PIK3R3: variants seen among roughly 807,000 people sequenced by gnomAD.
PIK3R3 encodes the protein phosphoinositide-3-kinase regulatory subunit 3, also known as phosphatidylinositol 3-kinase regulatory subunit gamma.
PIK3R3 carries 64 observed loss-of-function variants against 62.9 expected under a neutral mutation model. The ratio of observed to expected loss-of-function variants is 1.02; its 90% CI spans 0.83 to 1.25. The LOEUF is 1.25. Ranked by LOEUF, PIK3R3 falls within the 50% of genes most tolerant of loss-of-function variation. The probability of loss-of-function intolerance (pLI) is 0.00; values close to 1 mark genes in which losing one functional copy is unlikely to be tolerated. For synonymous variants in PIK3R3, 165 were observed against 189.0 expected, an observed-to-expected ratio of 0.87 and a Z score of 1.04; for missense variants, 614 against 561.6, an observed-to-expected ratio of 1.09 and a Z score of -0.94.
In PIK3R3 at chr1:46,046,580, C is replaced by G; in HGVS notation, c.987G>C (p.Trp329Cys). The G allele has an allele frequency of 6.2e-7, 1 of 1,613,440 alleles. No homozygotes were observed. Among genetic ancestry groups the G allele is most frequent in the Non-Finnish European group, 8.5e-7 (1 of 1,179,388 alleles). ...CAGCATCCTCATTCTTAATTCCCAG[C>G]CAGACATTCAGGCGTTTCTGTCTCA... ...KGVRQKRLNVWLGIKNEDADE... is the reference protein window; with the variant it reads ...KGVRQKRLNVCLGIKNEDADE... The change falls in exon 8 of 10, where the codon TGG becomes TGC. Residue 329 changes from tryptophan to cysteine, a missense_variant. By Grantham distance (215) the Trp-to-Cys change is radical (BLOSUM62 -2). Transcript: ENST00000262741.
chr1:46,169,792 G>A, the PIK3R3 span, among the ~76,000 whole-genome samples: 1 of 152,202 alleles, frequency 6.6e-6, no homozygotes, highest in South Asian at 2.1e-4. Context: ...GCCTGTCTTT[G>A]GAACTGCTCC....
chr1:46,058,905 A>T (rs1465485713), intron 6 of PIK3R3, among the ~76,000 whole-genome samples: 2 of 152,130 alleles, frequency 1.3e-5, no homozygotes, highest in African/African-American at 4.8e-5. Context: ...AAGATAAAGG[A>T]TTTGGGAGGG....
intron 3 of PIK3R3, among the ~76,000 whole-genome samples, chr1:46,072,530 G>C (rs964641098): frequency 6.6e-6 from 1 of 152,252 alleles, no homozygotes; most frequent in Non-Finnish European, 1.5e-5. Context: ...GTGATAAATG[G>C]ATAAACAAAA....
At chr1:46,122,463 G>C (rs1409275704) in intron 1 of PIK3R3, among the ~76,000 whole-genome samples, 1 of 152,124 alleles carries the variant, frequency 6.6e-6, no homozygotes, top group South Asian at 2.1e-4. Flanking sequence ...TCTGCCTCCA[G>C]GGATCAAGCG....
At chr1:46,144,081 T>C in the PIK3R3 span, among the ~76,000 whole-genome samples, 5 of 152,176 alleles carry the variant, frequency 3.3e-5, no homozygotes, top group African/African-American at 1.2e-4. Flanking sequence ...CTAGGCTAAA[T>C]TGATTAGAGT....
chr1:46,148,778 C>G, the PIK3R3 span, among the ~76,000 whole-genome samples: 36 of 144,840 alleles, frequency 2.5e-4, no homozygotes, highest in Admixed American at 1.2e-3. Context: ...GAGAGAGAGA[C>G]ATGAAGAGAG....
At chr1:46,061,118 A>T (rs747525407) in intron 6 of PIK3R3, among the ~76,000 whole-genome samples, 17 of 152,316 alleles carry the variant, frequency 1.1e-4, no homozygotes, top group Non-Finnish European at 2.2e-4. Context: ...CCTGCCCCCT[A>T]GTGAGCTCCA....
In PIK3R3 at chr1:46,041,346, C is replaced by T. The variant is rs1238209349; in HGVS notation, c.*2327G>A. ...TCAAATGACCCCTGGGTCTTAGATCCCACAAAACAATGAATTCAAGAATGA... is the reference window on the plus strand; with the variant it reads ...TCAAATGACCCCTGGGTCTTAGATCTCACAAAACAATGAATTCAAGAATGA... On this transcript the variant is annotated 3_prime_UTR_variant, in exon 10 of 10. Transcript: ENST00000262741. The T allele has an allele frequency of 6.0e-6, 1 of 165,408 alleles. No individual in the cohort carries two copies. The highest frequency in any genetic ancestry group is 1.3e-5 in the Non-Finnish European group (1 of 75,512). The allele number at this position is 165,408 out of a possible 1,614,324, so 10.2% of individuals were successfully genotyped here.
chr1:46,095,311 C>T (rs534408411), intron 1 of PIK3R3, among the ~76,000 whole-genome samples: 3 of 152,206 alleles, frequency 2.0e-5, no homozygotes, highest in Admixed American at 2.0e-4. Context: ...TAAAAAGGAA[C>T]AAGATAATGT....
intron 7 of PIK3R3, chr1:46,047,142 A>T (rs1647136165): frequency 6.5e-6 from 1 of 152,938 alleles, no homozygotes; most frequent in Non-Finnish European, 1.5e-5. Flanking sequence ...TTACCAAGAA[A>T]ATCATAGTAT....
chr1:46,171,820 T>G, the PIK3R3 span, among the ~76,000 whole-genome samples: 1 of 152,098 alleles, frequency 6.6e-6, no homozygotes, highest in Non-Finnish European at 1.5e-5. Context: ...GAACCAAGAC[T>G]GAAGCTCCGG....
intron 1 of PIK3R3, among the ~76,000 whole-genome samples, chr1:46,121,601 C>T (rs941314233): frequency 8.6e-5 from 13 of 151,818 alleles, no homozygotes; most frequent in African/African-American, 2.9e-4. Flanking sequence ...TCGAGACAAG[C>T]TTGGGCAACC....
At chr1:46,071,755 A>AGCGAGCGAGC (rs1557579667) in intron 3 of PIK3R3, among the ~76,000 whole-genome samples, 7 of 129,026 alleles carry the variant, frequency 5.4e-5, no homozygotes, top group African/African-American at 2.1e-4. Context: ...AGAGAGAGAG[A>AGCGAGCGAGC]GAGAGCGCGC....
intron 1 of PIK3R3, chr1:46,131,570 G>A: frequency 2.2e-6 from 1 of 462,130 alleles, no homozygotes; most frequent in Admixed American, 2.9e-5. Flanking sequence ...ACACGCAAAG[G>A]CAAAGTAAAA....
At chr1:46,095,790 C>CA (rs1652069248) in intron 1 of PIK3R3, among the ~76,000 whole-genome samples, 1 of 152,116 alleles carries the variant, frequency 6.6e-6, no homozygotes, top group Admixed American at 6.5e-5. Context: ...AAGTTGGAGA[C>CA]AGTTTCTTCA....
At chr1:46,097,826 T>C (rs1322538679) in intron 1 of PIK3R3, among the ~76,000 whole-genome samples, 1 of 143,020 alleles carries the variant, frequency 7.0e-6, no homozygotes, top group African/African-American at 2.6e-5. Flanking sequence ...GAGGGGGAGG[T>C]TGCAGTGAGC....
At chr1:46,098,349 A>G (rs1652340040) in intron 1 of PIK3R3, among the ~76,000 whole-genome samples, 1 of 152,248 alleles carries the variant, frequency 6.6e-6, no homozygotes, top group South Asian at 2.1e-4. Flanking sequence ...CTACTCTTAC[A>G]TGTATACGCA....
the PIK3R3 span, among the ~76,000 whole-genome samples, chr1:46,147,758 A>G: frequency 6.6e-6 from 1 of 152,110 alleles, no homozygotes; most frequent in African/African-American, 2.4e-5. Flanking sequence ...GTTGCACCTC[A>G]CTATCAGACA....
chr1:46,123,845 A>G lies in PIK3R3; in HGVS notation c.106+8002T>C, dbSNP rs535080616. On this transcript the variant is annotated intron_variant, in intron 1 of 9. Coordinates refer to ENST00000262741, the MANE Select transcript of PIK3R3 (RefSeq NM_003629.4). ...TTGGACTATAATAATTTCTTCAACA[A>G]ATGTTAGCAACTATTACCTTCATTA... Among the ~76,000 whole-genome samples, 6 of 152,354 alleles carry G rather than the reference A, an allele frequency of 3.9e-5. No individual in the cohort carries two copies. The South Asian group carries it at 1.2e-3, about 32-fold the overall frequency.
Sources: gnomAD v4.1 joint callset for allele counts (sites outside exome capture counted in the v4.1 genomes callset) on GRCh38, gnomAD v4.1.1 for gene constraint, MANE v1.5 for transcripts, NCBI Gene and HGNC (gene_info 2026-07-23, HGNC 2026-07-21) for gene names.